SEMA3A: variants seen among roughly 807,000 people sequenced by gnomAD.
The protein encoded by SEMA3A is semaphorin 3A, also known as semaphorin-3A.
SEMA3A carries 29 observed loss-of-function variants against 97.9 expected under a neutral mutation model. The ratio of observed to expected loss-of-function variants is 0.30; its 90% CI spans 0.22 to 0.40. The LOEUF is 0.40. SEMA3A is among the 10% of genes least tolerant of loss of function. The pLI is 1.00. For missense variants in SEMA3A, 763 were observed against 951.3 expected, an observed-to-expected ratio of 0.80 and a Z score of 2.60; for synonymous variants, 321 against 323.7, an observed-to-expected ratio of 0.99 and a Z score of 0.09.
At chr7:84,439,021 C>G (rs2116335792) in intron 1 of SEMA3A, among the ~76,000 whole-genome samples, 1 of 151,200 alleles carries the variant, frequency 6.6e-6, no homozygotes, top group East Asian at 1.9e-4. Context: ...TCAGAGGGGC[C>G]TGAGCAGGTT....
chr7:84,487,099 A>G (rs2116445547), intron 1 of SEMA3A, among the ~76,000 whole-genome samples: 1 of 152,312 alleles, frequency 6.6e-6, no homozygotes, highest in East Asian at 1.9e-4. Flanking sequence ...CAATGATAAT[A>G]TTAAAAATTT....
At chr7:84,477,906 G>A (rs1047596890) in intron 1 of SEMA3A, among the ~76,000 whole-genome samples, 1 of 152,148 alleles carries the variant, frequency 6.6e-6, no homozygotes, top group Non-Finnish European at 1.5e-5. Flanking sequence ...CCTTTGTGGA[G>A]CTCATTCTGC....
At chr7:84,041,207 A>G (rs1792122604) in intron 6 of SEMA3A, among the ~76,000 whole-genome samples, 1 of 152,116 alleles carries the variant, frequency 6.6e-6, no homozygotes, top group African/African-American at 2.4e-5. Context: ...AAACTTGCTA[A>G]AAGTCTTTAT....
chr7:84,063,359 C>G (rs1203946638), intron 4 of SEMA3A, among the ~76,000 whole-genome samples: 1 of 148,712 alleles, frequency 6.7e-6, no homozygotes, highest in East Asian at 2.1e-4. Context: ...AAAAGCAGAG[C>G]GCCTCTCCTC....
chr7:84,421,164 A>C (rs951004437), intron 1 of SEMA3A, among the ~76,000 whole-genome samples: 1 of 152,016 alleles, frequency 6.6e-6, no homozygotes, highest in Non-Finnish European at 1.5e-5. Flanking sequence ...CATCATTTAC[A>C]AAAAAATCAT....
At chr7:84,351,668 G>A (rs1449318874) in intron 2 of SEMA3A, among the ~76,000 whole-genome samples, 1 of 151,862 alleles carries the variant, frequency 6.6e-6, no homozygotes, top group Admixed American at 6.6e-5. Context: ...AACTAAAATA[G>A]GATATCATCT....
At chr7:84,073,277 T>G (rs1284106523) in intron 4 of SEMA3A, among the ~76,000 whole-genome samples, 1 of 151,954 alleles carries the variant, frequency 6.6e-6, no homozygotes, top group Non-Finnish European at 1.5e-5. Context: ...TGTGGGTGTG[T>G]GTGTCTGTGT....
chr7:84,145,245 C>G (rs1013857596), intron 1 of SEMA3A, among the ~76,000 whole-genome samples: 2 of 152,170 alleles, frequency 1.3e-5, no homozygotes, highest in African/African-American at 2.4e-5. Context: ...GCATAGTGCC[C>G]TGTACATACA....
intron 1 of SEMA3A, among the ~76,000 whole-genome samples, chr7:84,456,391 A>G (rs1562953929): frequency 6.6e-6 from 1 of 151,774 alleles, no homozygotes; most frequent in Non-Finnish European, 1.5e-5. Flanking sequence ...TCAATAAAGG[A>G]GTCATTCATC....
intron 3 of SEMA3A, among the ~76,000 whole-genome samples, chr7:84,120,859 A>C (rs1795589693): frequency 6.6e-6 from 1 of 152,192 alleles, no homozygotes; most frequent in Admixed American, 6.5e-5. Context: ...GTTCAGAGGT[A>C]AAGGACTTTA....
At chr7:84,228,587 A>G (rs1799045862) in intron 3 of SEMA3A, among the ~76,000 whole-genome samples, 1 of 152,128 alleles carries the variant, frequency 6.6e-6, no homozygotes, top group Non-Finnish European at 1.5e-5. Flanking sequence ...TTATCTGTCA[A>G]TTTAAACGAA....
chr7:84,430,825 T>TATC (rs552595705), intron 1 of SEMA3A, among the ~76,000 whole-genome samples: 6 of 132,570 alleles, frequency 4.5e-5, no homozygotes, highest in Non-Finnish European at 9.8e-5. Flanking sequence ...GTGTGTGTAT[T>TATC]TAGATTATAT....
intron 3 of SEMA3A, among the ~76,000 whole-genome samples, chr7:84,280,372 T>A (rs935413903): frequency 6.6e-6 from 1 of 152,200 alleles, no homozygotes; most frequent in East Asian, 1.9e-4. Context: ...AAAAGACCAC[T>A]GTACCACGGC....
chr7:83,967,659 G>A (rs1371318378), intron 15 of SEMA3A, among the ~76,000 whole-genome samples: 1 of 152,122 alleles, frequency 6.6e-6, no homozygotes, highest in Non-Finnish European at 1.5e-5. Flanking sequence ...GGAGGCTGAG[G>A]CAGGAGAAGC....
At chr7:84,309,105 A>G (rs1293069560) in intron 2 of SEMA3A, among the ~76,000 whole-genome samples, 2 of 152,166 alleles carry the variant, frequency 1.3e-5, no homozygotes, top group Non-Finnish European at 2.9e-5. Context: ...GGCGTGAGCT[A>G]CCACGCCCGG....
intron 2 of SEMA3A, among the ~76,000 whole-genome samples, chr7:84,308,136 A>G (rs371602618): frequency 9.9e-5 from 15 of 152,086 alleles, no homozygotes; most frequent in East Asian, 5.8e-4. Flanking sequence ...TTTCTTTCCA[A>G]TCTTTGTTTT....
chr7:84,454,113 T>C (rs1805630051), intron 1 of SEMA3A, among the ~76,000 whole-genome samples: 1 of 152,256 alleles, frequency 6.6e-6, no homozygotes, highest in Non-Finnish European at 1.5e-5. Flanking sequence ...TTGCATATAT[T>C]CAAAGTGTTA....
At chr7:84,246,388 T>TA (rs773452731) in intron 3 of SEMA3A, among the ~76,000 whole-genome samples, 1 of 152,150 alleles carries the variant, frequency 6.6e-6, no homozygotes, top group Non-Finnish European at 1.5e-5. Context: ...ATCTTAAACT[T>TA]ACGTATGTCA....
intron 5 of SEMA3A, among the ~76,000 whole-genome samples, chr7:84,051,596 T>G (rs994472258): frequency 4.6e-5 from 7 of 152,204 alleles, no homozygotes; most frequent in African/African-American, 1.7e-4. Context: ...CTTATCAGCT[T>G]AAGGAGATTT....
Sources: gnomAD v4.1 joint callset for allele counts (sites outside exome capture counted in the v4.1 genomes callset) on GRCh38, gnomAD v4.1.1 for gene constraint, MANE v1.5 for transcripts, NCBI Gene and HGNC (gene_info 2026-07-23, HGNC 2026-07-21) for gene names.